The following NDUFS3 variants were observed in gnomAD, a reference collection of about 807,000 sequenced individuals.
The protein encoded by NDUFS3 is NADH dehydrogenase [ubiquinone] iron-sulfur protein 3, mitochondrial.
A neutral mutation model predicts 30.8 loss-of-function variants in NDUFS3; 19 were observed. That is an observed-to-expected ratio of 0.62 (90% CI 0.43 to 0.91). The LOEUF (loss-of-function observed/expected upper bound fraction) is 0.91, where lower values mean the gene tolerates loss of function less well. NDUFS3 is among the 40% of genes least tolerant of loss of function. The pLI is 0.00. For missense variants in NDUFS3, 331 were observed against 342.0 expected (o/e 0.97, Z 0.25); for synonymous variants, 153 against 135.8 (o/e 1.13, Z -0.88).
chr11:47,579,423 C>T (rs749395758), intron 2 of NDUFS3, 89 bp downstream of exon 2: 34 of 1,521,634 alleles, frequency 2.2e-5, no homozygotes, highest in Non-Finnish European at 2.9e-5. Flanking sequence ...TTCCCTACGT[C>T]CTCCTGGCAA....
At chr11:47,581,973 A>G in intron 4 of NDUFS3, 115 bp from the exon 5 acceptor site, 1 of 1,404,170 alleles carries the variant, frequency 7.1e-7, no homozygotes, top group Non-Finnish European at 1.0e-6. Flanking sequence ...AGTAGTTGTA[A>G]GCATAGGAGA....
Position 47,584,298 on chromosome 11 carries a change from C to T in NDUFS3, c.628-16C>T, listed in dbSNP as rs373505876. The T allele has an allele frequency of 1.9e-6, 3 of 1,613,956 alleles. No individual in the cohort carries two copies. The highest frequency in any genetic ancestry group is 2.5e-6 in the Non-Finnish European group (3 of 1,180,016). On this transcript the variant is annotated splice_polypyrimidine_tract_variant and intron_variant, in intron 6 of 6. Transcript: ENST00000263774. ...AGGACTTCCTTAGTGCTCAAGCCTGCCTTTTGCTCCTGCAGTTACGTTATG... is the reference window on the plus strand; with the variant it reads ...AGGACTTCCTTAGTGCTCAAGCCTGTCTTTTGCTCCTGCAGTTACGTTATG...
In NDUFS3 at chr11:47,580,539, C is replaced by T. The variant is rs773237309; in HGVS notation, c.148C>T (p.Arg50Trp). The T allele has an allele frequency of 5.6e-6, 9 of 1,614,078 alleles. No homozygotes were observed. In the East Asian group the frequency reaches 6.7e-5, roughly 12 times the overall value. Residue 50 changes from arginine (R) to tryptophan (W), a missense_variant, in exon 3 of 7, where the codon CGG becomes TGG. Physicochemically the swap from Arg to Trp is moderately radical, Grantham distance 101. Coordinates refer to ENST00000263774, the MANE Select transcript of NDUFS3 (RefSeq NM_004551.3). ...GADTRPTVRP[R>W]NDVAHKQLSA... Reference sequence around the variant, plus strand: ...TTTCCTTCCAGCCACTGTCAGACCACGGAATGATGTGGCCCACAAGCAGCT... The same window carrying T: ...TTTCCTTCCAGCCACTGTCAGACCATGGAATGATGTGGCCCACAAGCAGCT...
chr11:47,580,095 T>C (rs1474358514), intron 2 of NDUFS3, among the ~76,000 whole-genome samples: 1 of 151,464 alleles, frequency 6.6e-6, no homozygotes, highest in African/African-American at 2.4e-5. Flanking sequence ...AGAGAGTCTG[T>C]GAGGGATCTT....
chr11:47,583,713 C>T (rs915790586), intron 6 of NDUFS3, among the ~76,000 whole-genome samples: 4 of 152,094 alleles, frequency 2.6e-5, no homozygotes, highest in African/African-American at 9.7e-5. Flanking sequence ...CTCCTATTTC[C>T]CTCTTGGGCT....
At chr11:47,580,411 G>T in intron 2 of NDUFS3, 114 bp from the exon 3 acceptor site, 1 of 963,746 alleles carries the variant, frequency 1.0e-6, no homozygotes, top group Admixed American at 1.9e-5. Flanking sequence ...CCTTTCTCAA[G>T]GTGCTTCAGG....
chr11:47,582,076 T>TG lies in NDUFS3; in HGVS notation c.382-11dup, dbSNP rs769336340. Reference sequence around the variant, plus strand: ...CCCATCTCAGCCCTCCAGATCCTTCTGTTCTCCCTAGATTGTCTACAACCT... The same window carrying TG: ...CCCATCTCAGCCCTCCAGATCCTTCTGGTTCTCCCTAGATTGTCTACAACCT... On this transcript the variant is annotated splice_polypyrimidine_tract_variant and intron_variant, in intron 4 of 6. Transcript: ENST00000263774. 6.2e-7 allele frequency: 1 copy of TG among 1,613,582 alleles called. No homozygotes were observed. Among genetic ancestry groups the TG allele is most frequent in the East Asian group, 2.2e-5 (1 of 44,880 alleles).
Position 47,580,855 on chromosome 11 carries a change from A to G in NDUFS3, c.252A>G (p.Leu84=). 6.2e-7 allele frequency: 1 copy of G among 1,614,218 alleles called. No individual in the cohort carries two copies. The highest frequency in any genetic ancestry group is 8.5e-7 in the Non-Finnish European group (1 of 1,180,046). The change falls in exon 4 of 7, where the codon TTA becomes TTG. Residue 84 remains leucine, a synonymous_variant. Coordinates refer to ENST00000263774, the MANE Select transcript of NDUFS3 (RefSeq NM_004551.3). ...TGCAGGTGTCCTGCTTCAATGAGTT[A>G]GAGGTCTGTATCCATCCTGATGGCG... ...QQVQVSCFNE[L]EVCIHPDGVI...
At chr11:47,579,744 T>TA (rs1225844768) in intron 2 of NDUFS3, 5 of 304,954 alleles carry the variant, frequency 1.6e-5, no homozygotes, top group African/African-American at 6.4e-5. Flanking sequence ...CTTCTTACTA[T>TA]AGATCAGGAA....
chr11:47,581,843 A>C (rs2097268954), intron 4 of NDUFS3: 1 of 535,338 alleles, frequency 1.9e-6, no homozygotes, highest in African/African-American at 1.9e-5. Flanking sequence ...CTAAAATATG[A>C]GTAGGAGACC....
At chr11:47,581,856 G>C (rs2097268963) in intron 4 of NDUFS3, 2 of 573,512 alleles carry the variant, frequency 3.5e-6, no homozygotes. Context: ...AGGAGACCAG[G>C]TAGCCTTGTG....
chr11:47,581,753 G>T, intron 4 of NDUFS3: 1 of 380,914 alleles, frequency 2.6e-6, no homozygotes, highest in Non-Finnish European at 5.0e-6. Context: ...GGATATTAGA[G>T]GGATGCTTTA....
chr11:47,583,044 T>C (rs1484822063), intron 6 of NDUFS3, among the ~76,000 whole-genome samples: 4 of 151,642 alleles, frequency 2.6e-5, no homozygotes, highest in Non-Finnish European at 5.9e-5. Context: ...AAAGGCTCAA[T>C]TGATGCTGTG....
intron 6 of NDUFS3, among the ~76,000 whole-genome samples, chr11:47,583,623 GT>G (rs577330958): frequency 4.3e-4 from 65 of 152,214 alleles, no homozygotes; most frequent in Non-Finnish European, 8.2e-4. Context: ...CAAAGTAACT[GT>G]TTAGAAATGC....
Position 47,580,568 on chromosome 11 carries a change from A to C in NDUFS3, c.177A>C (p.Ser59=), listed in dbSNP as rs1337534912. 1 of 1,614,138 alleles carries C rather than the reference A, an allele frequency of 6.2e-7. No homozygotes were observed. Among genetic ancestry groups the C allele is most frequent in the Admixed American group, 1.7e-5 (1 of 60,018 alleles). Residue 59 remains serine (S), a synonymous_variant, in exon 3 of 7, where the codon TCA becomes TCC. Coordinates refer to ENST00000263774, the MANE Select transcript of NDUFS3 (RefSeq NM_004551.3). ...ATGATGTGGCCCACAAGCAGCTCTC[A>C]GCTTTTGGAGAGTATGTGGCTGAAA... is the stretch of plus-strand genomic sequence containing the variant. ...PRNDVAHKQL[S]AFGEYVAEIL...
chr11:47,581,088 G>C, intron 4 of NDUFS3, 104 bp downstream of exon 4: 2 of 1,397,624 alleles, frequency 1.4e-6, no homozygotes, highest in Non-Finnish European at 2.0e-6. Flanking sequence ...GAGTCAAGTA[G>C]ATCTGAAGTT....
chr11:47,581,801 T>A, intron 4 of NDUFS3: 1 of 434,218 alleles, frequency 2.3e-6, no homozygotes, highest in South Asian at 2.1e-5. Context: ...TCTGGGAGGC[T>A]TCTTTGAAAA....
chr11:47,584,010 TG>T (rs767385478), intron 6 of NDUFS3, among the ~76,000 whole-genome samples: 29 of 152,294 alleles, frequency 1.9e-4, no homozygotes, highest in Non-Finnish European at 2.9e-4. Context: ...TGTAAGAGTG[TG>T]TGGGTGGGTG....
In NDUFS3 at chr11:47,580,830, T is replaced by G; in HGVS notation, c.232-5T>G. 2 of 1,614,218 alleles carry G rather than the reference T, an allele frequency of 1.2e-6. No homozygotes were observed. The highest frequency in any genetic ancestry group is 8.5e-7 in the Non-Finnish European group (1 of 1,180,034). On this transcript the variant is annotated splice_polypyrimidine_tract_variant and splice_region_variant and intron_variant, in intron 3 of 6. Transcript: ENST00000263774. ...TTCCCTCTCCCCTCACTTTCATGTG[T>G]GCAGGTGTCCTGCTTCAATGAGTTA...
Sources: allele counts gnomAD v4.1 joint callset (sites outside exome capture counted in the v4.1 genomes callset), GRCh38; gene constraint gnomAD v4.1.1; transcripts MANE v1.5; gene names NCBI Gene and HGNC (gene_info 2026-07-23, HGNC 2026-07-21).